RASGRP3: variants seen among roughly 807,000 people sequenced by gnomAD.
The protein encoded by RASGRP3 is RAS guanyl releasing protein 3, also known as ras guanyl-releasing protein 3.
RASGRP3 carries 54 observed loss-of-function variants against 82.7 expected under a neutral mutation model. The ratio of observed to expected loss-of-function variants is 0.65; its 90% CI spans 0.52 to 0.82. The LOEUF (loss-of-function observed/expected upper bound fraction) is 0.82. Among genes scored for constraint, RASGRP3 ranks in the 40% least tolerant of loss-of-function variants. The pLI is 0.00. For missense variants in RASGRP3, 861 were observed against 828.9 expected (o/e 1.04, Z -0.48); for synonymous variants, 309 against 300.5 (o/e 1.03, Z -0.29).
rs573022728 is a variant in RASGRP3 at position 33,556,231 on chromosome 2, C to CTTTTTTTTTTTTTTTTTTTTTTTT, written c.1579+668_1579+691dup. Among the ~76,000 whole-genome samples the CTTTTTTTTTTTTTTTTTTTTTTTT allele has an allele frequency of 7.0e-5, 4 of 57,498 alleles. 1 individual carries two copies. The highest frequency in any genetic ancestry group is 1.1e-4 in the Non-Finnish European group (4 of 35,342). The allele number at this position is 57,498 out of a possible 152,430, so 37.7% of individuals were successfully genotyped here. On this transcript the variant is annotated intron_variant, in intron 15 of 17. Transcript: ENST00000403687. ...CAGTTTATATGGTTCTTCTAATAAT[C>CTTTTTTTTTTTTTTTTTTTTTTTT]TTTTTTTTTTTTTTTTTTTTTTTTT...
intron 13 of RASGRP3, among the ~76,000 whole-genome samples, chr2:33,548,381 A>AAAAAAAAAAAG (rs764069871): frequency 1.9e-4 from 24 of 128,032 alleles, no homozygotes; most frequent in Non-Finnish European, 2.5e-4. Context: ...AAAAAAAAAA[A>AAAAAAAAAAAG]AAGAAGGTAG....
intron 11 of RASGRP3, among the ~76,000 whole-genome samples, chr2:33,537,330 C>CCCACACA (rs66749495): frequency 4.2e-5 from 4 of 95,714 alleles, no homozygotes; most frequent in African/African-American, 1.8e-4. Context: ...ACCGCCCCCC[C>CCCACACA]CACACACACA....
At chr2:33,462,372 T>G (rs1445070621) in intron 2 of RASGRP3, among the ~76,000 whole-genome samples, 4 of 145,502 alleles carry the variant, frequency 2.7e-5, no homozygotes, top group Non-Finnish European at 6.1e-5. Flanking sequence ...GAGGTTTTTT[T>G]TTTTTGTTTT....
chr2:33,491,815 C>T (rs958135577), intron 1 of RASGRP3, among the ~76,000 whole-genome samples: 11 of 152,222 alleles, frequency 7.2e-5, no homozygotes, highest in African/African-American at 2.7e-4. Flanking sequence ...TGAGAGGTGC[C>T]AGGTGAGGCT....
intron 10 of RASGRP3, among the ~76,000 whole-genome samples, chr2:33,530,497 CTT>C (rs746592952): frequency 0.026 from 3,007 of 117,072 alleles, 114 homozygotes; most frequent in African/African-American, 0.096. Context: ...CTGCCCCTTC[CTT>C]TTTTTTTTTT....
chr2:33,438,831 C>A (rs1289545669), intron 1 of RASGRP3, among the ~76,000 whole-genome samples: 2 of 152,176 alleles, frequency 1.3e-5, no homozygotes, highest in East Asian at 1.9e-4. Context: ...ATAGAGCCAA[C>A]CCTGGCCTTC....
chr2:33,560,106 A>T (rs529450131), intron 17 of RASGRP3, among the ~76,000 whole-genome samples: 5 of 152,206 alleles, frequency 3.3e-5, no homozygotes, highest in Non-Finnish European at 7.3e-5. Flanking sequence ...AAAAGTATGC[A>T]ATTTAGTATA....
intron 2 of RASGRP3, among the ~76,000 whole-genome samples, chr2:33,456,907 T>TA (rs1268174070): frequency 1.3e-5 from 2 of 149,526 alleles, no homozygotes; most frequent in Non-Finnish European, 3.0e-5. Flanking sequence ...GCTTTCTATT[T>TA]TTTTTTTTTT....
intron 2 of RASGRP3, among the ~76,000 whole-genome samples, chr2:33,468,022 TTCTTTCTTTCTTTC>T (rs1283902541): frequency 7.4e-6 from 1 of 134,636 alleles, no homozygotes; most frequent in Non-Finnish European, 1.5e-5. Context: ...CTTTCTTTCT[TTCTTTCTTTCTTTC>T]TTTCTTTCTC....
chr2:33,444,691 A>C (rs757574238), intron 1 of RASGRP3, among the ~76,000 whole-genome samples: 5 of 152,376 alleles, frequency 3.3e-5, no homozygotes, highest in East Asian at 1.9e-4. Context: ...TTGAATAGCA[A>C]GCCAAGGACT....
At chr2:33,555,372 A>G in intron 14 of RASGRP3, 159 bp from the exon 15 acceptor site, 1 of 522,302 alleles carries the variant, frequency 1.9e-6, no homozygotes, top group Middle Eastern at 3.4e-4. Flanking sequence ...AGGGGCCGGG[A>G]GAGGGTTCTT....
chr2:33,469,345 A>T (rs1666914858), intron 2 of RASGRP3, among the ~76,000 whole-genome samples: 1 of 152,108 alleles, frequency 6.6e-6, no homozygotes, highest in Non-Finnish European at 1.5e-5. Context: ...TTATCTTTAT[A>T]GCTCCTTCTG....
chr2:33,549,577 C>T, intron 13 of RASGRP3, 27 bp from the exon 14 acceptor site: 1 of 1,596,258 alleles, frequency 6.3e-7, no homozygotes, highest in Non-Finnish European at 8.5e-7. Flanking sequence ...TTTAAAGATT[C>T]CCTCCCTTCT....
rs1396531210 is a variant in RASGRP3, at chr2:33,520,453, T to C, written c.237-100T>C. 9 of 1,456,662 alleles carry C rather than the reference T, an allele frequency of 6.2e-6. No homozygotes were observed. In the East Asian group the frequency reaches 1.8e-4, roughly 29 times the overall value. The allele number at this position is 1,456,662 out of a possible 1,614,324, so 90.2% of individuals were successfully genotyped here. On this transcript the variant is annotated intron_variant, in intron 5 of 17. Transcript: ENST00000403687. ...TTTGAAGTGTGGTCCTGGATGGTCC[T>C]GGACTTGGTGTTAAATGTAGTCTGT...
At chr2:33,480,042 ATTTTT>A (rs397868583) in intron 1 of RASGRP3, among the ~76,000 whole-genome samples, 6 of 131,880 alleles carry the variant, frequency 4.5e-5, no homozygotes, top group Admixed American at 1.6e-4. Flanking sequence ...TGAAAGAGGA[ATTTTT>A]TTTTTTTTTT....
Position 33,537,320 on chromosome 2 carries a change from A to ACACC in RASGRP3, c.1162-1773_1162-1772insACCC, listed in dbSNP as rs771052774. Among the ~76,000 whole-genome samples the ACACC allele has an allele frequency of 1.3e-3, 43 of 33,316 alleles. 1 individual carries two copies. Among genetic ancestry groups the ACACC allele is most frequent in the Middle Eastern group, 0.016 (1 of 64 alleles). 21.9% of individuals were successfully genotyped at this position (33,316 alleles called of 152,430 possible). On this transcript the variant is annotated intron_variant, in intron 11 of 17. Transcript: ENST00000403687. ...GTCTCTAAAATACACACACACACACACCGCCCCCCCCACACACACACACAA... is the reference window on the plus strand; with the variant it reads ...GTCTCTAAAATACACACACACACACACACCCCGCCCCCCCCACACACACACACAA...
At chr2:33,557,442 G>C (rs1676114724) in intron 15 of RASGRP3, among the ~76,000 whole-genome samples, 1 of 152,144 alleles carries the variant, frequency 6.6e-6, no homozygotes, top group Non-Finnish European at 1.5e-5. Context: ...GGGCACGGTG[G>C]CTCACGCCTG....
At chr2:33,523,771 A>G (rs2305571) in intron 7 of RASGRP3, 108 bp from the exon 8 acceptor site, 419,786 of 1,104,230 alleles carry the variant, frequency 0.38, 83,009 homozygotes, top group Middle Eastern at 0.46. Context: ...AAATAAAAGA[A>G]ATTGTGTTGT....
At chr2:33,458,238 G>C (rs904310378) in intron 2 of RASGRP3, 1 of 152,074 alleles carries the variant, frequency 6.6e-6, no homozygotes, top group East Asian at 1.9e-4. Flanking sequence ...AGTGCACCAG[G>C]GGTGCACACA....
Sources: allele counts gnomAD v4.1 joint callset (sites outside exome capture counted in the v4.1 genomes callset), GRCh38; gene constraint gnomAD v4.1.1; transcripts MANE v1.5; gene names NCBI Gene and HGNC (gene_info 2026-07-23, HGNC 2026-07-21).